Variants in PRAG1 observed in about 807,000 individuals in gnomAD.
PRAG1 encodes inactive tyrosine-protein kinase PRAG1.
In PRAG1, 110 loss-of-function variants were observed where a neutral mutation model predicts 95.6. The ratio of observed to expected loss-of-function variants is 1.15; its 90% CI spans 0.99 to 1.35. PRAG1 has a LOEUF of 1.35. Among genes scored for constraint, PRAG1 ranks in the 40% most tolerant of loss-of-function variants. PRAG1 has a pLI of 0.00. For synonymous variants in PRAG1, 1,052 were observed against 819.4 expected, an observed-to-expected ratio of 1.28 and a Z score of -4.85; for missense variants, 2,554 against 1,864.7, an observed-to-expected ratio of 1.37 and a Z score of -6.81.
At chr8:8,367,867 TC>T (rs1800062409) in intron 3 of PRAG1, among the ~76,000 whole-genome samples, 1 of 152,114 alleles carries the variant, frequency 6.6e-6, no homozygotes, top group African/African-American at 2.4e-5. Flanking sequence ...GGTCTCAATC[TC>T]CTGACCTCGT....
At chr8:8,332,905 C>T (rs572271590) in intron 4 of PRAG1, among the ~76,000 whole-genome samples, 223 of 152,270 alleles carry the variant, frequency 1.5e-3, no homozygotes, top group African/African-American at 4.5e-3. Context: ...CTGTTTGCAA[C>T]GGCTGCCACA....
intron 3 of PRAG1, among the ~76,000 whole-genome samples, chr8:8,364,956 C>T (rs548045843): frequency 2.9e-4 from 44 of 152,188 alleles, no homozygotes; most frequent in African/African-American, 1.0e-3. Flanking sequence ...TCTGTACAGA[C>T]AATTTCCTTG....
Position 8,377,183 on chromosome 8 carries a change from G to A in PRAG1, c.1226C>T (p.Pro409Leu). Residue 409 changes from proline (P) to leucine (L), a missense_variant, in exon 3 of 6, where the codon CCT (proline) becomes CTT (leucine). Pro to Leu is a moderately conservative substitution (Grantham distance 98). Coordinates refer to ENST00000615670, the MANE Select transcript of PRAG1 (RefSeq NM_001080826.3). ...PPAHPREATQPEPIYAESTKR... is the reference protein window; with the variant it reads ...PPAHPREATQLEPIYAESTKR... The stretch of plus-strand genomic sequence containing the variant: ...GGTGCTCTCAGCATAGATGGGTTCA[G>A]GCTGTGTAGCCTCCCGGGGGTGGGC... 2 of 1,611,866 alleles carry A rather than the reference G, an allele frequency of 1.2e-6. No homozygotes were observed. The highest frequency in any genetic ancestry group is 1.7e-6 in the Non-Finnish European group (2 of 1,179,836).
intron 5 of PRAG1, among the ~76,000 whole-genome samples, chr8:8,321,623 A>T (rs1225714179): frequency 6.6e-6 from 1 of 152,120 alleles, no homozygotes; most frequent in Non-Finnish European, 1.5e-5. Context: ...ATTCAATCTC[A>T]TTAAATCCAA....
rs575528043 is a variant in PRAG1, at chr8:8,319,877, T to C, written c.3073-575A>G. Reference sequence around the variant, plus strand: ...TCATTATTCATCAGGCAAGTGCAAATCAAAACCACAGTGAGATATCAGTTC... The same window carrying C: ...TCATTATTCATCAGGCAAGTGCAAACCAAAACCACAGTGAGATATCAGTTC... On this transcript the variant is annotated intron_variant, in intron 5 of 5. Transcript: ENST00000615670. Among the ~76,000 whole-genome samples the C allele has an allele frequency of 1.5e-4, 23 of 152,244 alleles. No individual in the cohort carries two copies. In the South Asian group the frequency reaches 4.8e-3, roughly 32 times the overall value.
Position 8,376,266 on chromosome 8 carries a change from G to T in PRAG1, c.2143C>A (p.Pro715Thr), listed in dbSNP as rs749149010. The T allele has an allele frequency of 1.9e-6, 3 of 1,613,878 alleles. No homozygotes were observed. Among genetic ancestry groups the T allele is most frequent in the East Asian group, 2.2e-5 (1 of 44,874 alleles). ...RSGIETFSPPPPPPKSRHLLK... is the reference protein window; with the variant it reads ...RSGIETFSPPTPPPKSRHLLK... ...ACTCACCGCGACTTTGGAGGCGGAG[G>T]AGGAGGTGAGAATGTCTCAATCCCA... Residue 715 changes from proline to threonine, a missense_variant, in exon 3 of 6, where the codon CCT (proline) becomes ACT (threonine). Coordinates refer to ENST00000615670, the MANE Select transcript of PRAG1 (RefSeq NM_001080826.3).
intron 3 of PRAG1, among the ~76,000 whole-genome samples, chr8:8,348,556 G>A (rs754421432): frequency 6.6e-6 from 1 of 151,858 alleles, no homozygotes; most frequent in African/African-American, 2.4e-5. Flanking sequence ...AAGCAGGCTC[G>A]TCTTTGTCCT....
chr8:8,328,096 C>A lies in PRAG1; in HGVS notation c.2686G>T (p.Ala896Ser). The change falls in exon 5 of 6, where the codon GCA (alanine) becomes TCA (serine). Residue 896 changes from alanine to serine, a missense_variant. Coordinates refer to ENST00000615670, the MANE Select transcript of PRAG1 (RefSeq NM_001080826.3). ...CCGCCTCTGTTGCCCGCCAGCCCTG[C>A]TGCCGGAAGCCAGTGGCCACTGCCT... ...FKGSGHWLPA[A>S]GLAGNRGGCG... The A allele has an allele frequency of 6.2e-7, 1 of 1,611,018 alleles. No individual in the cohort carries two copies. The highest frequency in any genetic ancestry group is 1.3e-5 in the African/African-American group (1 of 75,004).
At chr8:8,380,084 A>G (rs1262089382) in intron 2 of PRAG1, among the ~76,000 whole-genome samples, 1 of 151,842 alleles carries the variant, frequency 6.6e-6, no homozygotes, top group Non-Finnish European at 1.5e-5. Context: ...GCAAGATCCT[A>G]TCTCCACCAA....
intron 3 of PRAG1, among the ~76,000 whole-genome samples, chr8:8,360,532 C>T (rs1363373021): frequency 6.6e-6 from 1 of 152,142 alleles, no homozygotes; most frequent in Non-Finnish European, 1.5e-5. Flanking sequence ...TTTGTCTTTC[C>T]TCATCTCTCC....
intron 3 of PRAG1, among the ~76,000 whole-genome samples, chr8:8,358,416 T>C (rs1799746757): frequency 6.6e-6 from 1 of 152,152 alleles, no homozygotes; most frequent in African/African-American, 2.4e-5. Flanking sequence ...CAGCCATTAG[T>C]GATCAACTTA....
Position 8,381,794 on chromosome 8 carries a change from G to A in PRAG1, c.-47C>T, listed in dbSNP as rs1320510333. 2.0e-6 allele frequency: 3 copies of A among 1,479,108 alleles called. No individual in the cohort carries two copies. Among genetic ancestry groups the A allele is most frequent in the African/African-American group, 1.4e-5 (1 of 71,064 alleles). 91.6% of individuals were successfully genotyped at this position (1,479,108 alleles called of 1,614,324 possible). A position where few individuals can be genotyped will look rare whatever the true frequency, so the allele number is the denominator to read the frequency against. On this transcript the variant is annotated 5_prime_UTR_variant, in exon 2 of 6. Coordinates refer to ENST00000615670, the MANE Select transcript of PRAG1 (RefSeq NM_001080826.3). ...TTCATCTTGCGCCCGGCTCTCTGGT[G>A]CAGTTTTGTGGGATTCAGAGGTGGG...
chr8:8,384,878 A>C (rs1800799759), intron 1 of PRAG1, among the ~76,000 whole-genome samples: 1 of 152,206 alleles, frequency 6.6e-6, no homozygotes, highest in African/African-American at 2.4e-5. Context: ...AGATTAGAAA[A>C]AAGAGCTCAG....
chr8:8,371,323 C>T (rs1251845575), intron 3 of PRAG1, among the ~76,000 whole-genome samples: 2 of 151,574 alleles, frequency 1.3e-5, no homozygotes, highest in Admixed American at 6.6e-5. Flanking sequence ...CTCAGTGGTG[C>T]GATCTCGGCT....
intron 5 of PRAG1, among the ~76,000 whole-genome samples, chr8:8,325,375 C>T (rs1423997569): frequency 6.6e-6 from 1 of 152,164 alleles, no homozygotes; most frequent in African/African-American, 2.4e-5. Flanking sequence ...CCTTGAGCTA[C>T]CACGTCTCCA....
chr8:8,321,209 C>T (rs1008391373), intron 5 of PRAG1, among the ~76,000 whole-genome samples: 14 of 152,236 alleles, frequency 9.2e-5, no homozygotes, highest in African/African-American at 2.6e-4. Flanking sequence ...CTCAGCCTCC[C>T]GAGTAGCTGG....
At position 8,317,956 on chromosome 8, in the gene PRAG1, G is replaced by C. The variant is rs1158244452; in HGVS notation, c.*198C>G. 1.8e-5 allele frequency: 7 copies of C among 380,272 alleles called. No homozygotes were observed. The highest frequency in any genetic ancestry group is 4.2e-5 in the Admixed American group (1 of 23,558). The allele number at this position is 380,272 out of a possible 1,614,324, so 23.6% of individuals were successfully genotyped here. A position where few individuals can be genotyped will look rare whatever the true frequency, so the allele number is the denominator to read the frequency against. On this transcript the variant is annotated 3_prime_UTR_variant, in exon 6 of 6. Transcript: ENST00000615670. ...AGGACTTAGTGCAGAGAGGAGACGA[G>C]TGTGGACGGGCAACAGCATCCTTAG... is the stretch of plus-strand genomic sequence containing the variant.
rs944301090 is a variant in PRAG1, at chr8:8,319,537, T to A, written c.3073-235A>T. On this transcript the variant is annotated intron_variant, in intron 5 of 5. Coordinates refer to ENST00000615670, the MANE Select transcript of PRAG1 (RefSeq NM_001080826.3). ...CATAGTTCACAAAAGAAAAGAAAAA[T>A]CACAAACTTAACCTCAAAGTTCTAA... Among the ~76,000 whole-genome samples the A allele has an allele frequency of 2.6e-5, 4 of 151,988 alleles. No individual in the cohort carries two copies. In the South Asian group the frequency reaches 8.3e-4, roughly 32 times the overall value.
Position 8,336,894 on chromosome 8 carries a change from TCCCCACACCCCTTTCCCCCCTCC to T in PRAG1, c.2320+2561_2320+2583del, listed in dbSNP as rs1359367054. On this transcript the variant is annotated intron_variant, in intron 4 of 5. Coordinates refer to ENST00000615670, the MANE Select transcript of PRAG1 (RefSeq NM_001080826.3). ...AACTAAAACCTTCCCCCCACTCCCC[TCCCCACACCCCTTTCCCCCCTCC>T]CCCCACCTCCGACATAAAGCATGAA... Among the ~76,000 whole-genome samples the T allele has an allele frequency of 6.0e-5, 2 of 33,244 alleles. 1 individual carries two copies. The highest frequency in any genetic ancestry group is 2.9e-4 in the African/African-American group (2 of 6,946). 21.8% of individuals were successfully genotyped at this position (33,244 alleles called of 152,430 possible).
Sources: allele counts gnomAD v4.1 joint callset (sites outside exome capture counted in the v4.1 genomes callset), GRCh38; gene constraint gnomAD v4.1.1; transcripts MANE v1.5; gene names NCBI Gene and HGNC (gene_info 2026-07-23, HGNC 2026-07-21).